SOX5: variants seen among roughly 807,000 people sequenced by gnomAD.
SOX5 encodes SRY-box transcription factor 5.
Under a neutral mutation model 92.0 loss-of-function variants are expected in SOX5, and 9 were observed. That is an observed-to-expected ratio of 0.10 (90% CI 0.06 to 0.17). SOX5 has a LOEUF of 0.17. Among genes scored for constraint, SOX5 ranks in the 10% least tolerant of loss-of-function variants. The pLI, the probability that SOX5 is intolerant of heterozygous loss-of-function variation, is 1.00. For synonymous variants in SOX5, 344 were observed against 336.3 expected (o/e 1.02, Z -0.25); for missense variants, 642 against 944.5 (o/e 0.68, Z 4.20).
intron 4 of SOX5, among the ~76,000 whole-genome samples, chr12:24,093,009 T>C (rs1944843174): frequency 6.6e-6 from 1 of 152,168 alleles, no homozygotes; most frequent in African/African-American, 2.4e-5. Flanking sequence ...AGCCATCTCA[T>C]CTTAAAAAAT....
At chr12:24,117,786 G>A (rs1418478642) in intron 4 of SOX5, among the ~76,000 whole-genome samples, 2 of 152,008 alleles carry the variant, frequency 1.3e-5, no homozygotes, top group Admixed American at 6.6e-5. Flanking sequence ...TTGGGAGGCC[G>A]AGGTGGGCAG....
chr12:23,760,655 C>T (rs1043135590), intron 3 of SOX5, among the ~76,000 whole-genome samples: 1 of 152,190 alleles, frequency 6.6e-6, no homozygotes, highest in African/African-American at 2.4e-5. Flanking sequence ...CAGCATCCTG[C>T]CTCTTTAGGG....
At position 23,532,501 on chromosome 12, in the gene SOX5, A is replaced by G. The variant is rs942240926; in HGVS notation, c.*1718T>C. 1 of 152,244 alleles carries G rather than the reference A, an allele frequency of 6.6e-6. No homozygotes were observed. Among genetic ancestry groups the G allele is most frequent in the African/African-American group, 2.4e-5 (1 of 41,450 alleles). The allele number at this position is 152,244 out of a possible 1,614,324, so 9.4% of individuals were successfully genotyped here. A position where few individuals can be genotyped will look rare whatever the true frequency, so the allele number is the denominator to read the frequency against. ...TGCATTTATTTGTACAGGCCCTACAACTGCCTTGGCATTTGGCTGGCAAAA... is the reference window on the plus strand; with the variant it reads ...TGCATTTATTTGTACAGGCCCTACAGCTGCCTTGGCATTTGGCTGGCAAAA... On this transcript the variant is annotated 3_prime_UTR_variant, in exon 15 of 15. Transcript: ENST00000451604.
chr12:23,901,295 G>C (rs1453918200), intron 1 of SOX5, among the ~76,000 whole-genome samples: 1 of 152,080 alleles, frequency 6.6e-6, no homozygotes, highest in Admixed American at 6.5e-5. Flanking sequence ...TCCTCTCCTA[G>C]AGCCTCTAGA....
intron 3 of SOX5, among the ~76,000 whole-genome samples, chr12:23,812,097 A>G (rs182302253): frequency 9.9e-5 from 15 of 152,264 alleles, no homozygotes; most frequent in African/African-American, 3.6e-4. Context: ...TTGAAGACCT[A>G]TCAAATCATT....
At chr12:24,559,525 C>T (rs1337391256) in intron 1 of SOX5, among the ~76,000 whole-genome samples, 1 of 151,762 alleles carries the variant, frequency 6.6e-6, no homozygotes, top group Non-Finnish European at 1.5e-5. Flanking sequence ...AGAAAAAGAA[C>T]AGAGCTTTTC....
At chr12:23,890,643 G>C (rs529783859) in intron 2 of SOX5, among the ~76,000 whole-genome samples, 326 of 152,086 alleles carry the variant, frequency 2.1e-3, no homozygotes, top group African/African-American at 7.6e-3. Flanking sequence ...ATTCCCTTCT[G>C]GTGCCCACAA....
chr12:24,152,681 GA>G (rs149799359), intron 4 of SOX5, among the ~76,000 whole-genome samples: 5 of 149,894 alleles, frequency 3.3e-5, no homozygotes, highest in African/African-American at 7.3e-5. Flanking sequence ...TTCTGTTTTT[GA>G]AAAAAAAATC....
chr12:23,932,516 G>C (rs866796410), intron 1 of SOX5, among the ~76,000 whole-genome samples: 12 of 151,706 alleles, frequency 7.9e-5, no homozygotes, highest in South Asian at 6.2e-4. Context: ...TTATATAAGA[G>C]AATGACCTTA....
chr12:24,048,698 CAT>C (rs1957273168), intron 4 of SOX5, among the ~76,000 whole-genome samples: 1 of 152,178 alleles, frequency 6.6e-6, no homozygotes, highest in South Asian at 2.1e-4. Flanking sequence ...GAACTATTAA[CAT>C]ATACCACAGG....
At chr12:24,335,589 G>C (rs1951794032) in intron 2 of SOX5, among the ~76,000 whole-genome samples, 2 of 152,040 alleles carry the variant, frequency 1.3e-5, no homozygotes, top group South Asian at 4.1e-4. Flanking sequence ...TTTGGTTCCA[G>C]GACCTTAACG....
chr12:23,557,842 G>C (rs1202990742), intron 11 of SOX5, among the ~76,000 whole-genome samples: 3 of 152,114 alleles, frequency 2.0e-5, no homozygotes, highest in African/African-American at 7.2e-5. Context: ...CAGGCGTTGT[G>C]GCACACGCCT....
At chr12:23,591,214 T>C (rs942027781) in intron 9 of SOX5, among the ~76,000 whole-genome samples, 1 of 152,020 alleles carries the variant, frequency 6.6e-6, no homozygotes, top group African/African-American at 2.4e-5. Context: ...TTAGATTGTG[T>C]TGTATTAGTA....
At chr12:24,347,105 G>T (rs1409399758) in intron 2 of SOX5, among the ~76,000 whole-genome samples, 1 of 152,094 alleles carries the variant, frequency 6.6e-6, no homozygotes, top group Non-Finnish European at 1.5e-5. Context: ...TGCATTCATG[G>T]ATTCAGCAAT....
chr12:24,459,462 G>A (rs910161475), intron 1 of SOX5, among the ~76,000 whole-genome samples: 5 of 152,144 alleles, frequency 3.3e-5, no homozygotes, highest in Non-Finnish European at 7.4e-5. Context: ...GCTAAATAAT[G>A]TCCCCTGCTT....
intron 4 of SOX5, among the ~76,000 whole-genome samples, chr12:23,992,460 G>C (rs1251054660): frequency 6.6e-6 from 1 of 152,052 alleles, no homozygotes; most frequent in Non-Finnish European, 1.5e-5. Flanking sequence ...TTGCAAAGTA[G>C]CCATTAATAA....
intron 2 of SOX5, among the ~76,000 whole-genome samples, chr12:23,856,193 A>G (rs559694819): frequency 6.6e-6 from 1 of 152,218 alleles, no homozygotes; most frequent in African/African-American, 2.4e-5. Flanking sequence ...AGCACACACA[A>G]TCACTGAGAT....
chr12:24,082,755 G>GT (rs1162277943), intron 4 of SOX5, among the ~76,000 whole-genome samples: 6 of 151,456 alleles, frequency 4.0e-5, no homozygotes, highest in African/African-American at 1.2e-4. Flanking sequence ...TTTTTTCTTA[G>GT]TTTTTTCTTC....
At chr12:24,065,645 C>CAAAAAAAAAAAAAAAAA (rs71445983) in intron 4 of SOX5, among the ~76,000 whole-genome samples, 12 of 81,608 alleles carry the variant, frequency 1.5e-4, no homozygotes, top group East Asian at 3.7e-4. Flanking sequence ...GACTCCATCT[C>CAAAAAAAAAAAAAAAAA]AAAAAAAAAA....
Sources: allele counts gnomAD v4.1 joint callset (sites outside exome capture counted in the v4.1 genomes callset), GRCh38; gene constraint gnomAD v4.1.1; transcripts MANE v1.5; gene names NCBI Gene and HGNC (gene_info 2026-07-23, HGNC 2026-07-21).